WIPF2: variants seen among roughly 807,000 people sequenced by gnomAD.
The protein encoded by WIPF2 is WAS/WASL-interacting protein family member 2.
In WIPF2, 23 loss-of-function variants were observed where a neutral mutation model predicts 38.8. That is an observed-to-expected ratio of 0.59 (90% CI 0.43 to 0.84). The LOEUF is 0.84. Among genes scored for constraint, WIPF2 ranks in the 40% least tolerant of loss-of-function variants. The probability of loss-of-function intolerance (pLI) is 0.00; values close to 1 mark genes in which losing one functional copy is unlikely to be tolerated. For missense variants in WIPF2, 574 were observed against 580.5 expected (o/e 0.99, Z 0.11); for synonymous variants, 210 against 223.2 (o/e 0.94, Z 0.53).
At chr17:40,227,870 A>G (rs1261117188) in intron 1 of WIPF2, among the ~76,000 whole-genome samples, 1 of 151,832 alleles carries the variant, frequency 6.6e-6, no homozygotes, top group Non-Finnish European at 1.5e-5. Flanking sequence ...AAAAACAAAA[A>G]AAGTTTGTTC....
At chr17:40,220,585 A>ATATATATATATATATATATATG (rs2030150257) in intron 1 of WIPF2, 4 of 65,828 alleles carry the variant, frequency 6.1e-5, no homozygotes, top group African/African-American at 2.7e-4. Context: ...ATATATATAT[A>ATATATATATATATATATATATG]TATATATATA....
rs774576183 is a variant in WIPF2, at chr17:40,262,569, C to T, written c.241C>T (p.Leu81=). ...SGGYGSGGAA[L]QPKGGLFQGG... is the part of the protein sequence containing the mutation. ...TGGCTATGGCTCTGGAGGAGCTGCC[C>T]TGCAGCCCAAGGGAGGTCTCTTCCA... The change falls in exon 4 of 8, where the codon CTG becomes TTG. Residue 81 remains leucine, a synonymous_variant. Coordinates refer to ENST00000323571, the MANE Select transcript of WIPF2 (RefSeq NM_133264.5). 2 of 1,614,036 alleles carry T rather than the reference C, an allele frequency of 1.2e-6. No homozygotes were observed. The highest frequency in any genetic ancestry group is 1.1e-5 in the South Asian group (1 of 91,058).
rs1555557727 is a variant in WIPF2, at chr17:40,219,362, G to GGGCGGCGGCGGCGGCGGC, written c.-195_-194insCGGCGGCGGCGGCGGCGG. 1 of 378,260 alleles carries GGGCGGCGGCGGCGGCGGC rather than the reference G, an allele frequency of 2.6e-6. No homozygotes were observed. Among genetic ancestry groups the GGGCGGCGGCGGCGGCGGC allele is most frequent in the Non-Finnish European group, 5.0e-6 (1 of 201,146 alleles). The allele number at this position is 378,260 out of a possible 1,614,324, so 23.4% of individuals were successfully genotyped here. On this transcript the variant is annotated 5_prime_UTR_variant, in exon 1 of 8. Coordinates refer to ENST00000323571, the MANE Select transcript of WIPF2 (RefSeq NM_133264.5). ...AGATCCATTTCCGGGTTGGCAAAAG[G>GGGCGGCGGCGGCGGCGGC]GGCGGTGGCGGCGGCGGCGGCGGCG... is the stretch of plus-strand genomic sequence containing the variant.
intron 6 of WIPF2, 114 bp downstream of exon 6, chr17:40,274,113 T>C: frequency 5.0e-6 from 4 of 803,010 alleles, no homozygotes; most frequent in Non-Finnish European, 7.6e-6. Flanking sequence ...GGATCCTTTG[T>C]TCACAATAGT....
intron 1 of WIPF2, among the ~76,000 whole-genome samples, chr17:40,236,296 T>C (rs2030965169): frequency 6.6e-6 from 1 of 151,658 alleles, no homozygotes; most frequent in Non-Finnish European, 1.5e-5. Flanking sequence ...TACTGGAGAT[T>C]ATATTTCTTT....
Position 40,256,529 on chromosome 17 carries a change from A to G in WIPF2, c.63+7A>G, listed in dbSNP as rs765097847. The G allele has an allele frequency of 8.7e-6, 14 of 1,602,786 alleles. No homozygotes were observed. The East Asian group carries it at 2.7e-4, about 31-fold the overall frequency. ...ACCTCCCACATTTCATCAGGTAGGT[A>G]GTCCTTCCATTAGGCTATCTCAAAA... On this transcript the variant is annotated splice_region_variant and intron_variant, in intron 2 of 7. Transcript: ENST00000323571.
chr17:40,241,135 T>C (rs117987942), intron 1 of WIPF2, among the ~76,000 whole-genome samples: 78 of 152,306 alleles, frequency 5.1e-4, no homozygotes, highest in Non-Finnish European at 9.3e-4. Context: ...CATAGTGTTT[T>C]CTAGACTTCC....
chr17:40,254,110 G>A (rs2031647013), intron 1 of WIPF2, among the ~76,000 whole-genome samples: 1 of 151,306 alleles, frequency 6.6e-6, no homozygotes. Flanking sequence ...TCCGCCTCCC[G>A]GGTTCAAGCA....
At position 40,272,610 on chromosome 17, in the gene WIPF2, T is replaced by C. The variant is rs183911262; in HGVS notation, c.971-1180T>C. Among the ~76,000 whole-genome samples, 40 of 152,224 alleles carry C rather than the reference T, an allele frequency of 2.6e-4. No homozygotes were observed. In the South Asian group the frequency reaches 7.9e-3, roughly 30 times the overall value. ...GGGACTCAGAAGAAAATGGATTGCT[T>C]TGGGAAAGCCTTGAGAAGATGGGAC... On this transcript the variant is annotated intron_variant, in intron 5 of 7. Coordinates refer to ENST00000323571, the MANE Select transcript of WIPF2 (RefSeq NM_133264.5).
chr17:40,254,455 G>C lies in WIPF2; in HGVS notation c.-69-1936G>C, dbSNP rs563085583. 5.3e-5 allele frequency among the ~76,000 whole-genome samples: 8 copies of C among 152,178 alleles called. 1 individual carries two copies. The highest frequency in any genetic ancestry group is 4.2e-4 in the South Asian group (2 of 4,810). On this transcript the variant is annotated intron_variant, in intron 1 of 7. Coordinates refer to ENST00000323571, the MANE Select transcript of WIPF2 (RefSeq NM_133264.5). Reference sequence around the variant, plus strand: ...ATGTTATTTTGGCTTCCATTTTTTGGGGGGAGGGGGTCAAAAAATGGGATT... The same window carrying C: ...ATGTTATTTTGGCTTCCATTTTTTGCGGGGAGGGGGTCAAAAAATGGGATT...
chr17:40,246,179 C>G (rs550278660), intron 1 of WIPF2, among the ~76,000 whole-genome samples: 4 of 150,610 alleles, frequency 2.7e-5, no homozygotes, highest in Non-Finnish European at 5.9e-5. Context: ...ACCTTCCTCC[C>G]GGGTTCAAGC....
At chr17:40,276,835 A>G (rs554304440) in intron 6 of WIPF2, among the ~76,000 whole-genome samples, 9 of 152,304 alleles carry the variant, frequency 5.9e-5, no homozygotes, top group African/African-American at 2.2e-4. Flanking sequence ...CAAAAAATAA[A>G]TAAATAAAGA....
At chr17:40,227,547 A>G (rs2030545651) in intron 1 of WIPF2, among the ~76,000 whole-genome samples, 1 of 151,858 alleles carries the variant, frequency 6.6e-6, no homozygotes, top group African/African-American at 2.4e-5. Flanking sequence ...AACTCGTATT[A>G]TTATTTTCTT....
chr17:40,229,334 T>C (rs767637530), intron 1 of WIPF2, among the ~76,000 whole-genome samples: 36 of 152,118 alleles, frequency 2.4e-4, no homozygotes, highest in Non-Finnish European at 4.6e-4. Context: ...CTCGAACTCC[T>C]GACCTCAGGT....
chr17:40,256,546 A>G (rs756245730), intron 2 of WIPF2, 24 bp downstream of exon 2: 29 of 1,591,328 alleles, frequency 1.8e-5, no homozygotes, highest in Non-Finnish European at 2.4e-5. Flanking sequence ...CCATTAGGCT[A>G]TCTCAAAACC....
chr17:40,273,611 T>C, intron 5 of WIPF2, 179 bp from the exon 6 acceptor site: 1 of 576,134 alleles, frequency 1.7e-6, no homozygotes. Context: ...GGCCATACAT[T>C]TATTCTGAAT....
At chr17:40,227,667 A>T (rs2030550079) in intron 1 of WIPF2, among the ~76,000 whole-genome samples, 1 of 151,882 alleles carries the variant, frequency 6.6e-6, no homozygotes, top group Admixed American at 6.6e-5. Flanking sequence ...AGCCTGGCCA[A>T]CATGGTGAAA....
intron 1 of WIPF2, among the ~76,000 whole-genome samples, chr17:40,244,903 T>G (rs1229523045): frequency 6.6e-6 from 1 of 152,198 alleles, no homozygotes; most frequent in African/African-American, 2.4e-5. Flanking sequence ...CCAATGGCCC[T>G]TTCCCTGTGA....
chr17:40,276,137 A>C (rs1245554358), intron 6 of WIPF2, among the ~76,000 whole-genome samples: 1 of 152,230 alleles, frequency 6.6e-6, no homozygotes. Flanking sequence ...ATCTCTCACT[A>C]GTCATAGACA....
Sources: gnomAD v4.1 joint callset for allele counts (sites outside exome capture counted in the v4.1 genomes callset) on GRCh38, gnomAD v4.1.1 for gene constraint, MANE v1.5 for transcripts, NCBI Gene and HGNC (gene_info 2026-07-23, HGNC 2026-07-21) for gene names.